RNF220: variants seen among roughly 807,000 people sequenced by gnomAD.
RNF220 encodes E3 ubiquitin-protein ligase RNF220.
A neutral mutation model predicts 67.1 loss-of-function variants in RNF220; 7 were observed. The ratio of observed to expected loss-of-function variants is 0.10; its 90% CI spans 0.06 to 0.20. The LOEUF (loss-of-function observed/expected upper bound fraction) is 0.20, where lower values mean the gene tolerates loss of function less well. RNF220 is among the 10% of genes least tolerant of loss of function. RNF220 has a pLI of 1.00. For missense variants in RNF220, 565 were observed against 740.3 expected (o/e 0.76, Z 2.75); for synonymous variants, 270 against 283.2 (o/e 0.95, Z 0.47).
Position 44,506,650 on chromosome 1 carries a change from C to T in RNF220, c.625+93928C>T, listed in dbSNP as rs1042033859. On this transcript the variant is annotated intron_variant, in intron 2 of 14. Transcript: ENST00000361799. ...AAAGCAGGTCCAGCATCTCCCAAAA[C>T]GGGCGCTCTGACTGGCTGGGCTTCT... 7.9e-5 allele frequency among the ~76,000 whole-genome samples: 12 copies of T among 152,232 alleles called. No individual in the cohort carries two copies. In the East Asian group the frequency reaches 1.5e-3, roughly 20 times the overall value.
intron 2 of RNF220, among the ~76,000 whole-genome samples, chr1:44,540,415 C>T (rs1419615850): frequency 3.9e-5 from 6 of 152,176 alleles, no homozygotes; most frequent in Non-Finnish European, 7.3e-5. Flanking sequence ...CCACACATCA[C>T]CCCCTGACAG....
intron 2 of RNF220, among the ~76,000 whole-genome samples, chr1:44,497,621 A>G (rs552750811): frequency 3.5e-4 from 53 of 152,172 alleles, no homozygotes; most frequent in Non-Finnish European, 6.3e-4. Context: ...GTCTAATTGT[A>G]TGAGACAATC....
At chr1:44,555,128 G>A (rs1209199771) in intron 2 of RNF220, among the ~76,000 whole-genome samples, 1 of 152,094 alleles carries the variant, frequency 6.6e-6, no homozygotes, top group Non-Finnish European at 1.5e-5. Context: ...GAGTGCAGTG[G>A]CATAACACAG....
intron 5 of RNF220, among the ~76,000 whole-genome samples, chr1:44,628,432 T>C (rs1369515682): frequency 6.6e-6 from 1 of 152,194 alleles, no homozygotes; most frequent in East Asian, 1.9e-4. Flanking sequence ...TACATACAAC[T>C]TCAGGAGGTT....
intron 2 of RNF220, among the ~76,000 whole-genome samples, chr1:44,571,523 A>G (rs192910095): frequency 6.6e-6 from 1 of 152,220 alleles, no homozygotes; most frequent in East Asian, 1.9e-4. Context: ...AGTAAGTTCT[A>G]CATTCACTGT....
At chr1:44,538,438 T>C (rs1572814896) in intron 2 of RNF220, among the ~76,000 whole-genome samples, 2 of 152,194 alleles carry the variant, frequency 1.3e-5, no homozygotes, top group African/African-American at 2.4e-5. Context: ...TGGTCTACAC[T>C]TTCTCACATC....
chr1:44,452,901 T>C (rs1572548773), intron 2 of RNF220, among the ~76,000 whole-genome samples: 2 of 152,346 alleles, frequency 1.3e-5, no homozygotes, highest in African/African-American at 4.8e-5. Context: ...TAAAATATCT[T>C]ATAAGTATTT....
intron 2 of RNF220, among the ~76,000 whole-genome samples, chr1:44,479,154 C>G (rs759123974): frequency 4.4e-4 from 66 of 150,170 alleles, no homozygotes; most frequent in East Asian, 1.6e-3. Flanking sequence ...CTCACTCAGT[C>G]GCCCAGGCTG....
At chr1:44,426,543 A>G (rs1474093143) in intron 2 of RNF220, among the ~76,000 whole-genome samples, 1 of 152,102 alleles carries the variant, frequency 6.6e-6, no homozygotes, top group Non-Finnish European at 1.5e-5. Flanking sequence ...CCTGGACAAC[A>G]TGGCAAAACC....
intron 2 of RNF220, among the ~76,000 whole-genome samples, chr1:44,482,920 C>T (rs574787292): frequency 8.7e-5 from 6 of 69,120 alleles, no homozygotes; most frequent in African/African-American, 1.3e-4. Context: ...CACACCCAGC[C>T]TTTTTTTTTT....
intron 2 of RNF220, among the ~76,000 whole-genome samples, chr1:44,576,847 A>G (rs148271542): frequency 3.3e-5 from 5 of 152,256 alleles, no homozygotes; most frequent in East Asian, 1.9e-4. Flanking sequence ...TGAAGTCTCA[A>G]TGATCTTCCT....
At chr1:44,583,421 A>G (rs1048153762) in intron 2 of RNF220, among the ~76,000 whole-genome samples, 3 of 152,176 alleles carry the variant, frequency 2.0e-5, no homozygotes, top group African/African-American at 7.2e-5. Context: ...CTTCATTTTC[A>G]TAGCTGTTCA....
At chr1:44,496,824 C>G (rs143336475) in intron 2 of RNF220, among the ~76,000 whole-genome samples, 234 of 152,334 alleles carry the variant, frequency 1.5e-3, no homozygotes, top group Non-Finnish European at 2.6e-3. Flanking sequence ...CAAGCCAGCT[C>G]ACTTGGGGAT....
chr1:44,604,569 C>T (rs1285067623), intron 2 of RNF220, among the ~76,000 whole-genome samples: 1 of 152,246 alleles, frequency 6.6e-6, no homozygotes, highest in East Asian at 1.9e-4. Flanking sequence ...AAGGGTTTAG[C>T]TTCTATGACC....
At chr1:44,609,311 C>A (rs1364877147) in intron 2 of RNF220, among the ~76,000 whole-genome samples, 1 of 152,130 alleles carries the variant, frequency 6.6e-6, no homozygotes, top group Non-Finnish European at 1.5e-5. Context: ...TCAAGCCATG[C>A]CTTTTGTGGT....
Position 44,405,279 on chromosome 1 carries a change from A to C in RNF220, c.-369A>C, listed in dbSNP as rs980295446. Reference sequence around the variant, plus strand: ...CATTCACTGATTAGATCCAGCGCTGAGAGGCAGCACTGCTCCTTCTCTCAC... The same window carrying C: ...CATTCACTGATTAGATCCAGCGCTGCGAGGCAGCACTGCTCCTTCTCTCAC... On this transcript the variant is annotated 5_prime_UTR_variant, in exon 1 of 15. Coordinates refer to ENST00000361799, the MANE Select transcript of RNF220 (RefSeq NM_018150.4). 6 of 420,600 alleles carry C rather than the reference A, an allele frequency of 1.4e-5. No homozygotes were observed. Among genetic ancestry groups the C allele is most frequent in the Middle Eastern group, 6.3e-4 (1 of 1,592 alleles). The allele number at this position is 420,600 out of a possible 1,614,324, so 26.1% of individuals were successfully genotyped here.
At chr1:44,448,738 T>C (rs183953921) in intron 2 of RNF220, among the ~76,000 whole-genome samples, 1 of 152,314 alleles carries the variant, frequency 6.6e-6, no homozygotes, top group Non-Finnish European at 1.5e-5. Context: ...TCAAGATGCT[T>C]CCAACGTAAT....
chr1:44,609,510 C>T (rs1386141494), intron 2 of RNF220, among the ~76,000 whole-genome samples: 1 of 152,160 alleles, frequency 6.6e-6, no homozygotes, highest in Non-Finnish European at 1.5e-5. Context: ...GAACAAGACG[C>T]CCGACCTCTA....
In RNF220 at chr1:44,614,185, T is replaced by C. The variant is rs1263025712; in HGVS notation, c.646T>C (p.Leu216=). Residue 216 remains leucine (L), a synonymous_variant, in exon 3 of 15, where the codon TTG becomes CTG. Transcript: ENST00000361799. ...NDRCKKKAAA[L]FDSQAPICPI... is the part of the protein sequence containing the mutation. ...ACTAGGTAAGAAGAAAGCAGCGGCA[T>C]TGTTCGACAGCCAGGCCCCAATTTG... 2.5e-6 allele frequency: 4 copies of C among 1,614,214 alleles called. No individual in the cohort carries two copies. The highest frequency in any genetic ancestry group is 3.4e-6 in the Non-Finnish European group (4 of 1,180,008).
Sources: allele counts gnomAD v4.1 joint callset (sites outside exome capture counted in the v4.1 genomes callset), GRCh38; gene constraint gnomAD v4.1.1; transcripts MANE v1.5; gene names NCBI Gene and HGNC (gene_info 2026-07-23, HGNC 2026-07-21).